Variants in AKT3 observed in about 807,000 individuals in gnomAD.
AKT3 encodes AKT serine/threonine kinase 3, also known as RAC-gamma serine/threonine-protein kinase.
In AKT3, 15 loss-of-function variants were observed where a neutral mutation model predicts 65.3. The ratio of observed to expected loss-of-function variants is 0.23; its 90% confidence interval spans 0.15 to 0.35. The LOEUF is 0.35. Among genes scored for constraint, AKT3 ranks in the 10% least tolerant of loss-of-function variants. AKT3 has a pLI of 1.00. For synonymous variants in AKT3, 206 were observed against 183.8 expected (o/e 1.12, Z -0.98); for missense variants, 243 against 576.5 (o/e 0.42, Z 5.92).
intron 13 of AKT3, among the ~76,000 whole-genome samples, chr1:243,491,638 G>A (rs1459573089): frequency 6.6e-6 from 1 of 152,198 alleles, no homozygotes; most frequent in Non-Finnish European, 1.5e-5. Flanking sequence ...CCTCTGCGAT[G>A]CCTTCTTGTC....
At chr1:243,495,532 G>A (rs941215235), downstream of AKT3, among the ~76,000 whole-genome samples, 6 of 152,168 alleles carry the variant, frequency 3.9e-5, no homozygotes, top group Non-Finnish European at 4.4e-5. Flanking sequence ...GTGAGCCCCC[G>A]CCTGCTTTGC....
intron 2 of AKT3, among the ~76,000 whole-genome samples, chr1:243,775,392 G>A (rs1486074674): frequency 6.6e-6 from 1 of 152,148 alleles, no homozygotes; most frequent in East Asian, 1.9e-4. Context: ...TTATTAGCCA[G>A]GATGGTCTCA....
chr1:243,781,212 G>C (rs1229050537), intron 2 of AKT3, among the ~76,000 whole-genome samples: 1 of 151,986 alleles, frequency 6.6e-6, no homozygotes, highest in Non-Finnish European at 1.5e-5. Context: ...GTTAACCGTA[G>C]ACATTCTTTC....
At chr1:243,820,499 T>G (rs186716142) in intron 2 of AKT3, among the ~76,000 whole-genome samples, 76 of 152,250 alleles carry the variant, frequency 5.0e-4, no homozygotes, top group African/African-American at 1.8e-3. Context: ...AATAACAAAC[T>G]TCACAGAGCT....
At chr1:243,676,181 G>A (rs1407384141) in intron 3 of AKT3, among the ~76,000 whole-genome samples, 1 of 152,110 alleles carries the variant, frequency 6.6e-6, no homozygotes, top group Non-Finnish European at 1.5e-5. Context: ...TACTATTTTC[G>A]AAAGATTAAT....
chr1:243,596,810 G>A (rs775168865), intron 8 of AKT3, among the ~76,000 whole-genome samples: 14 of 152,180 alleles, frequency 9.2e-5, no homozygotes, highest in Non-Finnish European at 1.6e-4. Flanking sequence ...TCACCAGTGG[G>A]AGAGATTAAC....
chr1:243,780,802 T>C (rs1690860802), intron 2 of AKT3, among the ~76,000 whole-genome samples: 1 of 151,912 alleles, frequency 6.6e-6, no homozygotes, highest in Admixed American at 6.6e-5. Flanking sequence ...CCTAGATTGA[T>C]TCTAACTCCA....
At chr1:243,516,656 C>T (rs1670377650) in intron 12 of AKT3, among the ~76,000 whole-genome samples, 2 of 150,552 alleles carry the variant, frequency 1.3e-5, no homozygotes, top group Non-Finnish European at 2.9e-5. Flanking sequence ...TGGCCTCGAG[C>T]AATCCTCCTG....
intron 2 of AKT3, among the ~76,000 whole-genome samples, chr1:243,759,105 G>C (rs1689330446): frequency 6.6e-6 from 1 of 152,150 alleles, no homozygotes; most frequent in Non-Finnish European, 1.5e-5. Flanking sequence ...CTTGGGTCCA[G>C]GAGTTCAAGA....
chr1:243,600,369 T>A (rs1392023917), intron 8 of AKT3, among the ~76,000 whole-genome samples: 1 of 151,980 alleles, frequency 6.6e-6, no homozygotes, highest in Non-Finnish European at 1.5e-5. Context: ...AAAAAGAATA[T>A]CAAAATTGAA....
At chr1:243,652,942 C>T (rs1006285627) in intron 4 of AKT3, among the ~76,000 whole-genome samples, 2 of 151,808 alleles carry the variant, frequency 1.3e-5, no homozygotes, top group African/African-American at 4.8e-5. Flanking sequence ...AACACAGGAG[C>T]ACCCAGATTC....
At chr1:243,839,115 T>C (rs969601113) in intron 2 of AKT3, among the ~76,000 whole-genome samples, 2 of 152,172 alleles carry the variant, frequency 1.3e-5, no homozygotes, top group Admixed American at 6.5e-5. Flanking sequence ...ATTAAGCAAA[T>C]GAAAGTTAAT....
chr1:243,642,862 T>C (rs1042885709), intron 5 of AKT3, among the ~76,000 whole-genome samples: 1 of 152,062 alleles, frequency 6.6e-6, no homozygotes, highest in Non-Finnish European at 1.5e-5. Flanking sequence ...AATAAACATA[T>C]AATCAATGAG....
intron 10 of AKT3, among the ~76,000 whole-genome samples, chr1:243,558,415 T>C (rs913127565): frequency 9.9e-5 from 15 of 152,054 alleles, no homozygotes; most frequent in Non-Finnish European, 2.2e-4. Flanking sequence ...ATATGCAAGA[T>C]ATTAAAGATA....
At chr1:243,799,376 G>T (rs1193172998) in intron 2 of AKT3, among the ~76,000 whole-genome samples, 1 of 152,116 alleles carries the variant, frequency 6.6e-6, no homozygotes, top group Non-Finnish European at 1.5e-5. Context: ...TAATTTCATT[G>T]AACGTTTACA....
chr1:243,752,637 T>C (rs770445560), intron 2 of AKT3, among the ~76,000 whole-genome samples: 1 of 152,222 alleles, frequency 6.6e-6, no homozygotes, highest in Non-Finnish European at 1.5e-5. Context: ...AAATAGACTT[T>C]AGATTTTAAA....
intron 4 of AKT3, among the ~76,000 whole-genome samples, chr1:243,662,436 C>T (rs1682429914): frequency 6.6e-6 from 1 of 151,460 alleles, no homozygotes; most frequent in Non-Finnish European, 1.5e-5. Context: ...AATCATCATT[C>T]TCAGTAAACT....
chr1:243,499,890 C>T lies in AKT3; in HGVS notation c.*5359G>A, dbSNP rs888521002. 1.0e-5 allele frequency: 11 copies of T among 1,089,290 alleles called. No homozygotes were observed. Among genetic ancestry groups the T allele is most frequent in the South Asian group, 2.6e-5 (2 of 77,532 alleles). The allele number at this position is 1,089,290 out of a possible 1,614,324, so 67.5% of individuals were successfully genotyped here. ...GCACCACGACCTTCCCAGGGTGACA[C>T]CGCCTCAGCCTGCAGTGGGGCTGGT... On this transcript the variant is annotated 3_prime_UTR_variant, in exon 14 of 14. Coordinates refer to ENST00000673466, the MANE Select transcript of AKT3 (RefSeq NM_005465.7).
At chr1:243,596,812 G>A (rs559803953) in intron 8 of AKT3, among the ~76,000 whole-genome samples, 1 of 152,192 alleles carries the variant, frequency 6.6e-6, no homozygotes, top group Non-Finnish European at 1.5e-5. Context: ...ACCAGTGGGA[G>A]AGATTAACAA....
Sources: gnomAD v4.1 joint callset for allele counts (sites outside exome capture counted in the v4.1 genomes callset) on GRCh38, gnomAD v4.1.1 for gene constraint, MANE v1.5 for transcripts, NCBI Gene and HGNC (gene_info 2026-07-23, HGNC 2026-07-21) for gene names.